RNF144A: variants seen among roughly 807,000 people sequenced by gnomAD.
The protein encoded by RNF144A is E3 ubiquitin-protein ligase RNF144A.
Under a neutral mutation model 38.7 loss-of-function variants are expected in RNF144A, and 11 were observed. The observed-to-expected ratio is 0.28, with a 90% CI of 0.18 to 0.47. RNF144A has a LOEUF of 0.47. RNF144A is among the 20% of genes least tolerant of loss of function. RNF144A has a pLI of 0.99. For synonymous variants in RNF144A, 149 were observed against 143.9 expected (o/e 1.04, Z -0.25); for missense variants, 316 against 377.2 (o/e 0.84, Z 1.34).
At chr2:7,046,278 T>C (rs546330287), downstream of RNF144A, among the ~76,000 whole-genome samples, 1 of 152,314 alleles carries the variant, frequency 6.6e-6, no homozygotes, top group African/African-American at 2.4e-5. Context: ...CGACCTGGTG[T>C]TGGCTACTCG....
chr2:7,018,177 G>C (rs569232770), intron 5 of RNF144A, among the ~76,000 whole-genome samples: 10 of 152,176 alleles, frequency 6.6e-5, no homozygotes, highest in Non-Finnish European at 1.5e-4. Flanking sequence ...AGGAGAGGTG[G>C]GGACAGCAGT....
intron 2 of RNF144A, among the ~76,000 whole-genome samples, chr2:6,988,744 C>T (rs1669116429): frequency 2.6e-5 from 4 of 152,148 alleles, no homozygotes; most frequent in Admixed American, 2.6e-4. Context: ...GGAAGTCATT[C>T]TCTACAGCCC....
intron 2 of RNF144A, among the ~76,000 whole-genome samples, chr2:6,964,520 C>T (rs868033173): frequency 4.6e-5 from 7 of 152,148 alleles, no homozygotes; most frequent in East Asian, 1.9e-4. Context: ...CACATGCACA[C>T]GTATGTTTAT....
chr2:6,942,568 T>C (rs964769002), intron 2 of RNF144A, among the ~76,000 whole-genome samples: 8 of 152,172 alleles, frequency 5.3e-5, no homozygotes, highest in African/African-American at 1.9e-4. Flanking sequence ...CCAGAGTGGT[T>C]GTGAATATGA....
Position 7,043,555 on chromosome 2 carries a change from G to T in RNF144A, c.*3795G>T, listed in dbSNP as rs1673178328. 10 of 985,630 alleles carry T rather than the reference G, an allele frequency of 1.0e-5. No individual in the cohort carries two copies. Among genetic ancestry groups the T allele is most frequent in the Non-Finnish European group, 1.1e-5 (9 of 829,798 alleles). The allele number at this position is 985,630 out of a possible 1,614,324, so 61.1% of individuals were successfully genotyped here. A position where few individuals can be genotyped will look rare whatever the true frequency, so the allele number is the denominator to read the frequency against. ...TTCTCTTTAAAAAATACCAAAGCTT[G>T]TTTATTTCTGATAATTAACCTAAGC... On this transcript the variant is annotated 3_prime_UTR_variant, in exon 9 of 9. Transcript: ENST00000320892.
Position 7,040,571 on chromosome 2 carries a change from T to A in RNF144A, c.*811T>A. 1 of 985,476 alleles carries A rather than the reference T, an allele frequency of 1.0e-6. No homozygotes were observed. The highest frequency in any genetic ancestry group is 1.2e-6 in the Non-Finnish European group (1 of 829,934). 61.0% of individuals were successfully genotyped at this position (985,476 alleles called of 1,614,324 possible). A position where few individuals can be genotyped will look rare whatever the true frequency, so the allele number is the denominator to read the frequency against. On this transcript the variant is annotated 3_prime_UTR_variant, in exon 9 of 9. Coordinates refer to ENST00000320892, the MANE Select transcript of RNF144A (RefSeq NM_014746.6). ...GGTGATTCAGCTCAGCTCATGGGCC[T>A]CATCCCTTCTCTCCCAGGTAGCAGA... is the stretch of plus-strand genomic sequence containing the variant.
At chr2:6,926,716 G>GT in intron 1 of RNF144A, among the ~76,000 whole-genome samples, 1 of 152,268 alleles carries the variant, frequency 6.6e-6, no homozygotes, top group Non-Finnish European at 1.5e-5. Context: ...ATGAATCTGC[G>GT]TCTTTTCCCT....
downstream of RNF144A, among the ~76,000 whole-genome samples, chr2:7,046,108 A>C (rs59522788): frequency 0.12 from 18,894 of 152,262 alleles, 1,922 homozygotes; most frequent in East Asian, 0.55. Flanking sequence ...CTTATCTAGA[A>C]GGTATTCTAA....
intron 2 of RNF144A, among the ~76,000 whole-genome samples, chr2:6,953,424 C>A (rs115865817): frequency 0.02 from 3,022 of 152,106 alleles, 98 homozygotes; most frequent in African/African-American, 0.069. Context: ...AGCAAAACTG[C>A]GTCTCAAAAA....
In RNF144A at chr2:7,041,602, T is replaced by G. The variant is rs1673048458; in HGVS notation, c.*1842T>G. ...AGCTTTTCTGGAGGTGGGTGGCAAC[T>G]CCACGCGGGAGTCATTGGCTGGGCT... On this transcript the variant is annotated 3_prime_UTR_variant, in exon 9 of 9. Transcript: ENST00000320892. The G allele has an allele frequency of 1.0e-6, 1 of 985,800 alleles. No homozygotes were observed. The highest frequency in any genetic ancestry group is 4.7e-5 in the South Asian group (1 of 21,286). The allele number at this position is 985,800 out of a possible 1,614,324, so 61.1% of individuals were successfully genotyped here.
chr2:7,030,567 C>T (rs1443393521), intron 8 of RNF144A, among the ~76,000 whole-genome samples: 2 of 151,992 alleles, frequency 1.3e-5, no homozygotes, highest in Admixed American at 1.3e-4. Context: ...TAGCCCTTAA[C>T]AAAGAGCTTT....
chr2:6,934,427 A>G (rs563893962), intron 1 of RNF144A, among the ~76,000 whole-genome samples: 6 of 152,184 alleles, frequency 3.9e-5, no homozygotes, highest in Non-Finnish European at 7.3e-5. Context: ...AATTATTCCC[A>G]GTTTCGTTAC....
intron 5 of RNF144A, among the ~76,000 whole-genome samples, chr2:7,019,253 C>T (rs1459358064): frequency 1.3e-5 from 2 of 152,220 alleles, no homozygotes; most frequent in African/African-American, 2.4e-5. Flanking sequence ...GAGCCTTACA[C>T]ATACGTATGC....
intron 2 of RNF144A, among the ~76,000 whole-genome samples, chr2:6,981,102 G>GCCCTGT (rs920296913): frequency 9.2e-5 from 14 of 152,150 alleles, no homozygotes; most frequent in Non-Finnish European, 2.1e-4. Flanking sequence ...CCTGGCCCTG[G>GCCCTGT]CCCACAAAAC....
At chr2:6,935,655 G>T (rs1665526550) in intron 1 of RNF144A, among the ~76,000 whole-genome samples, 1 of 86,544 alleles carries the variant, frequency 1.2e-5, no homozygotes, top group Non-Finnish European at 2.9e-5. Context: ...CTCTCACCTT[G>T]TGAGCTCATT....
chr2:6,955,818 T>C (rs527442615), intron 2 of RNF144A, among the ~76,000 whole-genome samples: 19 of 152,244 alleles, frequency 1.2e-4, no homozygotes, highest in Admixed American at 9.1e-4. Flanking sequence ...ACAGGCCCTT[T>C]ACTGGTCTTC....
intron 2 of RNF144A, among the ~76,000 whole-genome samples, chr2:6,995,465 G>A (rs1451145933): frequency 6.6e-6 from 1 of 152,296 alleles, no homozygotes; most frequent in East Asian, 1.9e-4. Context: ...CACGACGTGA[G>A]GTCCCACAGT....
chr2:7,021,104 G>A (rs552491679), intron 6 of RNF144A, among the ~76,000 whole-genome samples: 2 of 152,140 alleles, frequency 1.3e-5, no homozygotes, highest in Non-Finnish European at 2.9e-5. Flanking sequence ...TCTGGAGGGG[G>A]ATGGGGAGAC....
chr2:7,017,237 C>G (rs1249650901), intron 5 of RNF144A, among the ~76,000 whole-genome samples: 1 of 152,032 alleles, frequency 6.6e-6, no homozygotes, highest in African/African-American at 2.4e-5. Flanking sequence ...GTCCTCATGC[C>G]TTCGTCCCAT....
Sources: allele counts gnomAD v4.1 joint callset (sites outside exome capture counted in the v4.1 genomes callset), GRCh38; gene constraint gnomAD v4.1.1; transcripts MANE v1.5; gene names NCBI Gene and HGNC (gene_info 2026-07-23, HGNC 2026-07-21).